TSNARE1: variants seen among roughly 807,000 people sequenced by gnomAD.
TSNARE1 encodes t-SNARE domain-containing protein 1.
A neutral mutation model predicts 62.0 loss-of-function variants in TSNARE1; 49 were observed. The observed-to-expected ratio is 0.79, with a 90% CI of 0.63 to 1.00. The LOEUF (loss-of-function observed/expected upper bound fraction) is 1.00, where lower values mean the gene tolerates loss of function less well. Ranked by LOEUF, TSNARE1 falls within the 50% of genes least tolerant of loss-of-function variation. TSNARE1 has a pLI of 0.00. For missense variants in TSNARE1, 755 were observed against 700.1 expected (o/e 1.08, Z -0.88); for synonymous variants, 328 against 294.4 (o/e 1.11, Z -1.17).
At chr8:142,271,719 G>C in intron 12 of TSNARE1, 1 of 1,342,224 alleles carries the variant, frequency 7.5e-7, no homozygotes, top group Non-Finnish European at 9.6e-7. Context: ...GAAAATGTCA[G>C]CCTGCACACC....
chr8:142,223,271 T>TCAACCAC, intron 13 of TSNARE1, among the ~76,000 whole-genome samples: 1 of 56,592 alleles, frequency 1.8e-5, no homozygotes, highest in East Asian at 6.7e-4. Flanking sequence ...CACTCACTCA[T>TCAACCAC]TCAGTCACTC....
chr8:142,294,363 C>A (rs1418721870), intron 10 of TSNARE1, among the ~76,000 whole-genome samples: 6 of 152,232 alleles, frequency 3.9e-5, no homozygotes, highest in African/African-American at 1.4e-4. Flanking sequence ...CACGCCCTCA[C>A]CCACAGCATC....
At chr8:142,329,072 A>G (rs1281595069) in intron 6 of TSNARE1, among the ~76,000 whole-genome samples, 1 of 152,184 alleles carries the variant, frequency 6.6e-6, no homozygotes, top group Non-Finnish European at 1.5e-5. Context: ...AACTTCGTCA[A>G]TGTGGAGGAA....
At chr8:142,222,692 T>C (rs1280931694) in intron 13 of TSNARE1, among the ~76,000 whole-genome samples, 6 of 110,690 alleles carry the variant, frequency 5.4e-5, no homozygotes, top group Non-Finnish European at 1.1e-4. Context: ...ATCCACTCAC[T>C]CACTCATCCA....
At chr8:142,333,653 C>G (rs1373096944) in intron 4 of TSNARE1, among the ~76,000 whole-genome samples, 1 of 152,192 alleles carries the variant, frequency 6.6e-6, no homozygotes, top group Non-Finnish European at 1.5e-5. Context: ...CAGGGCAGAG[C>G]TGACCCTGGC....
intron 10 of TSNARE1, among the ~76,000 whole-genome samples, chr8:142,289,422 G>A (rs955842443): frequency 6.6e-6 from 1 of 152,226 alleles, no homozygotes; most frequent in Non-Finnish European, 1.5e-5. Context: ...CCCAGCCTGA[G>A]GCTGGAGGCC....
Position 142,340,573 on chromosome 8 carries a change from G to A in TSNARE1, c.745+3393C>T, listed in dbSNP as rs559403031. ...ACCAGGTTGAAGACTTTAAAAGGGT[G>A]AAACGACAAACTTTGATGTGTGACT... is the stretch of plus-strand genomic sequence containing the variant. On this transcript the variant is annotated intron_variant, in intron 4 of 13. Coordinates refer to ENST00000524325, the MANE Select transcript of TSNARE1 (RefSeq NM_145003.5). Among the ~76,000 whole-genome samples the A allele has an allele frequency of 1.2e-4, 19 of 152,296 alleles. No individual in the cohort carries two copies. In the East Asian group the frequency reaches 3.7e-3, roughly 29 times the overall value.
chr8:142,390,683 C>A lies in TSNARE1; in HGVS notation c.-40+12421G>T, dbSNP rs1256737533. 4.6e-3 allele frequency among the ~76,000 whole-genome samples: 70 copies of A among 15,292 alleles called. 14 individuals carry two copies. The highest frequency in any genetic ancestry group is 6.8e-3 in the African/African-American group (6 of 886). The allele number at this position is 15,292 out of a possible 152,430, so 10.0% of individuals were successfully genotyped here. ...ACACTGCGGGGGACTCCGTAACAGACGCTGTACACTGCGGGGGACTCCGTA... is the reference window on the plus strand; with the variant it reads ...ACACTGCGGGGGACTCCGTAACAGAAGCTGTACACTGCGGGGGACTCCGTA... On this transcript the variant is annotated intron_variant, in intron 1 of 13. Transcript: ENST00000524325.
chr8:142,244,866 C>A (rs1817821199), intron 12 of TSNARE1, among the ~76,000 whole-genome samples: 1 of 152,232 alleles, frequency 6.6e-6, no homozygotes, highest in African/African-American at 2.4e-5. Flanking sequence ...CCTTCCTGCA[C>A]CTGCAGCGGA....
Position 142,291,108 on chromosome 8 carries a change from T to C in TSNARE1, c.1291-6623A>G, listed in dbSNP as rs1823665127. Among the ~76,000 whole-genome samples the C allele has an allele frequency of 6.6e-6, 1 of 152,036 alleles. No homozygotes were observed. On this transcript the variant is annotated intron_variant, in intron 10 of 13. Coordinates refer to ENST00000524325, the MANE Select transcript of TSNARE1 (RefSeq NM_145003.5). This position sits in a 1 kb window ranked among gnomAD's most constrained non-coding sequence, Gnocchi z 4.8. Reference sequence around the variant, plus strand: ...CTGCTCGCCACCCGCTGCTCAGGACTGGTGTCCTCAGCTGGGGATTAAGTC... The same window carrying C: ...CTGCTCGCCACCCGCTGCTCAGGACCGGTGTCCTCAGCTGGGGATTAAGTC...
chr8:142,391,047 GTAACAGACGCTGTACACTGCGGGGGACTC>G (rs1333442337), intron 1 of TSNARE1, among the ~76,000 whole-genome samples: 1 of 124,950 alleles, frequency 8.0e-6, no homozygotes, highest in Non-Finnish European at 1.8e-5. Context: ...GGGGGACTCT[GTAACAGACGCTGTACACTGCGGGGGACTC>G]TAACAGACGC....
In TSNARE1 at chr8:142,264,624, G is replaced by A. The variant is rs138913852; in HGVS notation, c.1446+10157C>T. Among the ~76,000 whole-genome samples the A allele has an allele frequency of 2.3e-3, 343 of 152,222 alleles. 4 individuals carry two copies. The highest frequency in any genetic ancestry group is 5.2e-3 in the Admixed American group (79 of 15,296). On this transcript the variant is annotated intron_variant, in intron 12 of 13. Coordinates refer to ENST00000524325, the MANE Select transcript of TSNARE1 (RefSeq NM_145003.5). Reference sequence around the variant, plus strand: ...AGGGTTTAGGATTTTTCATCCTCCCGATGAGCTGAACCCATTCTGGAGTGA... The same window carrying A: ...AGGGTTTAGGATTTTTCATCCTCCCAATGAGCTGAACCCATTCTGGAGTGA...
rs151017431 is a variant in TSNARE1, at chr8:142,347,037, C to CA, written c.89-1146dup. On this transcript the variant is annotated intron_variant, in intron 2 of 13. Coordinates refer to ENST00000524325, the MANE Select transcript of TSNARE1 (RefSeq NM_145003.5). ...AGGCAGAGACAGGCCTACGGCCACA[C>CA]AGACTCAGGAAAGGGCCTCCAGTGC... Among the ~76,000 whole-genome samples the CA allele has an allele frequency of 7.9e-5, 12 of 152,358 alleles. No homozygotes were observed. The East Asian group carries it at 2.3e-3, about 29-fold the overall frequency.
chr8:142,280,376 C>T, intron 11 of TSNARE1: 1 of 973,274 alleles, frequency 1.0e-6, no homozygotes, highest in Non-Finnish European at 1.2e-6. Context: ...GGGAGAGCAG[C>T]CAGGTTCGGG....
At chr8:142,348,247 C>T (rs771334667) in intron 2 of TSNARE1, among the ~76,000 whole-genome samples, 5 of 152,178 alleles carry the variant, frequency 3.3e-5, no homozygotes, top group Non-Finnish European at 7.3e-5. Context: ...AATCACAGAA[C>T]GTGCGCGGGT....
At chr8:142,255,817 A>G in intron 12 of TSNARE1, among the ~76,000 whole-genome samples, 1 of 84,190 alleles carries the variant, frequency 1.2e-5, no homozygotes. Context: ...CACCACTGTC[A>G]CCATCACCAC....
At chr8:142,308,149 A>G (rs1033383662) in intron 9 of TSNARE1, among the ~76,000 whole-genome samples, 1 of 152,124 alleles carries the variant, frequency 6.6e-6, no homozygotes, top group Non-Finnish European at 1.5e-5. Context: ...AGTCCTTTTC[A>G]CACGTGTTGT....
At chr8:142,229,661 G>GCATTT in intron 12 of TSNARE1, 82 bp from the exon 13 acceptor site, 1 of 1,346,800 alleles carries the variant, frequency 7.4e-7, no homozygotes, top group Non-Finnish European at 1.0e-6. Context: ...TGCATACTTT[G>GCATTT]GGCTGTGGCA....
chr8:142,257,702 C>T lies in TSNARE1; in HGVS notation c.1446+17079G>A, dbSNP rs1005422974. Among the ~76,000 whole-genome samples the T allele has an allele frequency of 6.6e-5, 10 of 152,210 alleles. No individual in the cohort carries two copies. The East Asian group carries it at 7.8e-4, about 12-fold the overall frequency. On this transcript the variant is annotated intron_variant, in intron 12 of 13. Transcript: ENST00000524325. ...GGTCTCAGGTCCCTCTAAAGATCCCCGCGATGACCCAGGGGTGGGAGGCCT... is the reference window on the plus strand; with the variant it reads ...GGTCTCAGGTCCCTCTAAAGATCCCTGCGATGACCCAGGGGTGGGAGGCCT...
Sources: gnomAD v4.1 joint callset for allele counts (sites outside exome capture counted in the v4.1 genomes callset) on GRCh38, gnomAD v4.1.1 for gene constraint, Gnocchi (gnomAD v3.1) non-coding constraint, MANE v1.5 for transcripts, NCBI Gene and HGNC (gene_info 2026-07-23, HGNC 2026-07-21) for gene names.